SEC23B: variants seen among roughly 807,000 people sequenced by gnomAD.
SEC23B encodes SEC23 homolog B, COPII component.
Under a neutral mutation model 104.3 loss-of-function variants are expected in SEC23B, and 77 were observed. The ratio of observed to expected loss-of-function variants is 0.74; its 90% CI spans 0.61 to 0.89. The LOEUF (loss-of-function observed/expected upper bound fraction) is 0.89. Among genes scored for constraint, SEC23B ranks in the 40% least tolerant of loss-of-function variants. SEC23B has a pLI of 0.00. For missense variants in SEC23B, 885 were observed against 949.4 expected (o/e 0.93, Z 0.89); for synonymous variants, 338 against 332.5 (o/e 1.02, Z -0.18).
intron 9 of SEC23B, among the ~76,000 whole-genome samples, chr20:18,528,180 ACCT>A (rs1297913911): frequency 2.6e-5 from 4 of 152,248 alleles, no homozygotes; most frequent in African/African-American, 9.6e-5. Context: ...CCTTACCCAG[ACCT>A]CCTGAATCGG....
In SEC23B at chr20:18,550,982, A is replaced by G. The variant is rs116057758; in HGVS notation, c.1906-107A>G. ...TTACTGTGCTGGGCACCATTTGTAAATAGCCTTTGCTGTGGATACCAGGCA... is the reference window on the plus strand; with the variant it reads ...TTACTGTGCTGGGCACCATTTGTAAGTAGCCTTTGCTGTGGATACCAGGCA... On this transcript the variant is annotated intron_variant, in intron 16 of 19. Coordinates refer to ENST00000650089, the MANE Select transcript of SEC23B (RefSeq NM_006363.6). 1.4e-3 allele frequency: 1,089 copies of G among 774,724 alleles called. 7 individuals carry two copies. In the African/African-American group the frequency reaches 0.017, roughly 12 times the overall value. The allele number at this position is 774,724 out of a possible 1,614,324, so 48.0% of individuals were successfully genotyped here.
At chr20:18,521,076 G>A (rs956075017) in intron 4 of SEC23B, among the ~76,000 whole-genome samples, 1 of 152,178 alleles carries the variant, frequency 6.6e-6, no homozygotes, top group Non-Finnish European at 1.5e-5. Context: ...TGCGGGAGGA[G>A]GTTCTGGAGG....
intron 11 of SEC23B, among the ~76,000 whole-genome samples, chr20:18,533,095 C>A (rs1286100732): frequency 6.6e-6 from 1 of 152,182 alleles, no homozygotes; most frequent in African/African-American, 2.4e-5. Context: ...ACAGTCCTTC[C>A]AGAGTAAGCC....
In SEC23B at chr20:18,554,631, T is replaced by C. The variant is rs1973956; in HGVS notation, c.2148+241T>C. Among the ~76,000 whole-genome samples the C allele has an allele frequency of 0.68, 103,019 of 151,484 alleles. 36,438 individuals carry two copies. Among genetic ancestry groups the C allele is most frequent in the Non-Finnish European group, 0.8 (53,903 of 67,758 alleles). On this transcript the variant is annotated intron_variant, in intron 18 of 19. Coordinates refer to ENST00000650089, the MANE Select transcript of SEC23B (RefSeq NM_006363.6). ...TCATGAGGTCAGGAGATCGAGACCA[T>C]CCTGGCTAACATGGTGAAACCCCGT...
chr20:18,524,159 T>G (rs2060111645), intron 4 of SEC23B, among the ~76,000 whole-genome samples: 1 of 152,242 alleles, frequency 6.6e-6, no homozygotes, highest in Non-Finnish European at 1.5e-5. Context: ...TTGTTTTTTC[T>G]GTTCACTGTG....
At chr20:18,510,758 T>C in intron 1 of SEC23B, 64 bp from the exon 2 acceptor site, 1 of 1,283,856 alleles carries the variant, frequency 7.8e-7, no homozygotes, top group African/African-American at 1.5e-5. Flanking sequence ...TGACCCATCT[T>C]CTTTTTTTGA....
chr20:18,539,275 G>A (rs1448575250), intron 12 of SEC23B, among the ~76,000 whole-genome samples: 1 of 151,190 alleles, frequency 6.6e-6, no homozygotes, highest in Non-Finnish European at 1.5e-5. Flanking sequence ...GGAGGCCAGG[G>A]CAGGTGGATC....
chr20:18,539,895 T>A (rs1443047248), intron 12 of SEC23B, among the ~76,000 whole-genome samples: 2 of 152,116 alleles, frequency 1.3e-5, no homozygotes, highest in Admixed American at 6.5e-5. Context: ...TCCGCCTGCC[T>A]TGGCCTCCAA....
intron 3 of SEC23B, 151 bp downstream of exon 3, chr20:18,512,433 T>C (rs1206739792): frequency 1.7e-6 from 1 of 603,502 alleles, no homozygotes; most frequent in Non-Finnish European, 3.0e-6. Context: ...ATATTGAATT[T>C]GAACATTTGT....
chr20:18,510,919 G>A lies in SEC23B; in HGVS notation c.84G>A (p.Arg28=). 1.2e-6 allele frequency: 2 copies of A among 1,614,154 alleles called. No individual in the cohort carries two copies. Among genetic ancestry groups the A allele is most frequent in the Non-Finnish European group, 1.7e-6 (2 of 1,180,024 alleles). ...RFSWNVWPSS[R]LEATRMVVPL... is the part of the protein sequence containing the mutation. ...GTTGGAACGTGTGGCCTTCCAGCCGGCTGGAGGCTACAAGAATGGTTGTAC... is the reference window on the plus strand; with the variant it reads ...GTTGGAACGTGTGGCCTTCCAGCCGACTGGAGGCTACAAGAATGGTTGTAC... Residue 28 remains arginine (R), a synonymous_variant, in exon 2 of 20, where the codon CGG becomes CGA. Transcript: ENST00000650089.
intron 4 of SEC23B, among the ~76,000 whole-genome samples, chr20:18,521,019 C>A (rs1158997672): frequency 2.0e-5 from 3 of 152,128 alleles, no homozygotes; most frequent in African/African-American, 7.2e-5. Context: ...GGGCTGCGGG[C>A]ATTCCTTGGT....
Position 18,524,981 on chromosome 20 carries a change from G to C in SEC23B, c.650G>C (p.Arg217Pro). Residue 217 changes from arginine (R) to proline (P), a missense_variant, in exon 6 of 20, where the codon CGA becomes CCA. Transcript: ENST00000650089. The part of the protein sequence containing the change: ...TKPAMPMQQA[R>P]PAQPQEHPFA... ...CCAGCCATGCCCATGCAGCAAGCAC[G>C]ACCTGCACAACCACAGGAGCACCCT... 1.9e-6 allele frequency: 3 copies of C among 1,613,922 alleles called. No homozygotes were observed. Among genetic ancestry groups the C allele is most frequent in the Non-Finnish European group, 2.5e-6 (3 of 1,179,988 alleles).
At chr20:18,553,939 G>A (rs2060411072) in intron 17 of SEC23B, among the ~76,000 whole-genome samples, 1 of 152,082 alleles carries the variant, frequency 6.6e-6, no homozygotes, top group Non-Finnish European at 1.5e-5. Flanking sequence ...GAAAAGGAGG[G>A]AGTCCACCGC....
chr20:18,546,591 C>G (rs1441954688), intron 15 of SEC23B, among the ~76,000 whole-genome samples: 1 of 152,188 alleles, frequency 6.6e-6, no homozygotes, highest in South Asian at 2.1e-4. Context: ...AAATAGAGCA[C>G]AATTCATGGG....
Position 18,525,870 on chromosome 20 carries a change from CAG to C in SEC23B, c.773_774del (p.Gln258ArgfsTer49), listed in dbSNP as rs1442532543. Reference sequence around the variant, plus strand: ...ACAGAGGGACCCATGGCCAGTAACTCAGGGGAAGAGACCTTTGCGATCCACTG... The same window carrying C: ...ACAGAGGGACCCATGGCCAGTAACTCGGGAAGAGACCTTTGCGATCCACTG... ...ELQRDPWPVT[Q>X]GKRPLRSTGV... On this transcript the variant is annotated frameshift_variant, in exon 7 of 20. Transcript: ENST00000650089. LOFTEE classifies it high-confidence loss of function. The C allele has an allele frequency of 2.5e-6, 4 of 1,614,052 alleles. No homozygotes were observed. Among genetic ancestry groups the C allele is most frequent in the South Asian group, 1.1e-5 (1 of 91,086 alleles).
chr20:18,528,765 C>T (rs562595659), intron 9 of SEC23B, among the ~76,000 whole-genome samples: 8 of 152,330 alleles, frequency 5.3e-5, no homozygotes, highest in South Asian at 2.1e-4. Flanking sequence ...AGTTCTGACT[C>T]GGAATGTCCA....
At chr20:18,532,824 A>C in intron 11 of SEC23B, 80 bp downstream of exon 11, 1 of 1,006,636 alleles carries the variant, frequency 9.9e-7, no homozygotes, top group Non-Finnish European at 1.6e-6. Context: ...ATGATCTCAC[A>C]TGTGTCACCT....
At chr20:18,520,831 G>T (rs905794647) in intron 4 of SEC23B, among the ~76,000 whole-genome samples, 3 of 152,010 alleles carry the variant, frequency 2.0e-5, no homozygotes, top group African/African-American at 7.2e-5. Context: ...GGTCTAGGTG[G>T]CTTCTGAGGC....
chr20:18,535,563 C>T, intron 11 of SEC23B, 90 bp from the exon 12 acceptor site: 1 of 927,022 alleles, frequency 1.1e-6, no homozygotes, highest in Non-Finnish European at 1.8e-6. Flanking sequence ...TCTAAGTAGC[C>T]TGCCCTACTC....
Sources: allele counts gnomAD v4.1 joint callset (sites outside exome capture counted in the v4.1 genomes callset), GRCh38; gene constraint gnomAD v4.1.1; transcripts MANE v1.5; gene names NCBI Gene and HGNC (gene_info 2026-07-23, HGNC 2026-07-21).